ITGA9: variants seen among roughly 807,000 people sequenced by gnomAD.
The protein encoded by ITGA9 is integrin alpha-9.
In ITGA9, 56 loss-of-function variants were observed where a neutral mutation model predicts 127.8. That is an observed-to-expected ratio of 0.44 (90% CI 0.35 to 0.55). The LOEUF is 0.55. ITGA9 is among the 20% of genes least tolerant of loss of function. The pLI is 0.00. For missense variants in ITGA9, 1,196 were observed against 1,347.1 expected, an observed-to-expected ratio of 0.89 and a Z score of 1.76; for synonymous variants, 508 against 514.5, an observed-to-expected ratio of 0.99 and a Z score of 0.17.
chr3:37,560,766 C>G (rs1699479077), intron 15 of ITGA9, among the ~76,000 whole-genome samples: 1 of 152,060 alleles, frequency 6.6e-6, no homozygotes, highest in African/African-American at 2.4e-5. Flanking sequence ...AAACTAATTT[C>G]AATAACATAT....
At chr3:37,523,718 C>A (rs1214924520) in intron 12 of ITGA9, 107 bp downstream of exon 12, 3 of 809,942 alleles carry the variant, frequency 3.7e-6, no homozygotes, top group Non-Finnish European at 6.6e-6. Flanking sequence ...AGGATTAGGA[C>A]AATTCACACA....
At position 37,533,336 on chromosome 3, in the gene ITGA9, G is replaced by C. The variant is rs749485393; in HGVS notation, c.1396G>C (p.Asp466His). ...CAGAGCAAGGCCTGTCATTACGGTG[G>C]ATGTCTCCATCTTCCTCCCGGGCTC... ...LLRARPVITV[D>H]VSIFLPGSIN... Residue 466 changes from aspartate (D) to histidine (H), a missense_variant, in exon 14 of 28, where the codon GAT (aspartate) becomes CAT (histidine). Asp to His is a moderately conservative substitution (Grantham distance 81, BLOSUM62 -1). Transcript: ENST00000264741. 2 of 1,614,182 alleles carry C rather than the reference G, an allele frequency of 1.2e-6. No individual in the cohort carries two copies. The highest frequency in any genetic ancestry group is 2.2e-5 in the South Asian group (2 of 91,080).
chr3:37,637,010 GTACCAT>G (rs1700285547), intron 16 of ITGA9, among the ~76,000 whole-genome samples: 1 of 152,188 alleles, frequency 6.6e-6, no homozygotes, highest in Non-Finnish European at 1.5e-5. Flanking sequence ...TTTGGTACCA[GTACCAT>G]GCTGTTTTGG....
chr3:37,734,884 G>A (rs1315827411), intron 19 of ITGA9, among the ~76,000 whole-genome samples: 1 of 152,222 alleles, frequency 6.6e-6, no homozygotes, highest in Non-Finnish European at 1.5e-5. Flanking sequence ...CCCACATACA[G>A]ATGCTGGGAC....
intron 10 of ITGA9, 75 bp from the exon 11 acceptor site, chr3:37,519,185 A>G (rs34289588): frequency 0.046 from 50,201 of 1,102,946 alleles, 1,331 homozygotes; most frequent in Non-Finnish European, 0.054. Context: ...CTCAGACATG[A>G]CAACCAGAAT....
intron 4 of ITGA9, among the ~76,000 whole-genome samples, chr3:37,487,884 A>G (rs1334619483): frequency 6.6e-6 from 1 of 152,180 alleles, no homozygotes; most frequent in Non-Finnish European, 1.5e-5. Flanking sequence ...ACACTACACT[A>G]TAGACTTGTT....
intron 5 of ITGA9, among the ~76,000 whole-genome samples, chr3:37,495,797 G>A (rs1698721927): frequency 6.6e-6 from 1 of 152,224 alleles, no homozygotes; most frequent in African/African-American, 2.4e-5. Context: ...CATGGGCTAG[G>A]TTAGAACACT....
intron 4 of ITGA9, 127 bp from the exon 5 acceptor site, chr3:37,494,374 T>C (rs472893): frequency 0.59 from 423,389 of 722,540 alleles, 126,892 homozygotes; most frequent in East Asian, 0.82. Context: ...CCAGTCTGGA[T>C]GGCATCCCTG....
At chr3:37,624,891 G>A (rs1263018577) in intron 15 of ITGA9, among the ~76,000 whole-genome samples, 1 of 152,172 alleles carries the variant, frequency 6.6e-6, no homozygotes, top group African/African-American at 2.4e-5. Flanking sequence ...ACAGACGTGA[G>A]CCACCATGCC....
chr3:37,620,203 C>A (rs1700114614), intron 15 of ITGA9, among the ~76,000 whole-genome samples: 1 of 152,216 alleles, frequency 6.6e-6, no homozygotes, highest in African/African-American at 2.4e-5. Context: ...TTCTGCCTGT[C>A]ACAGGGCGTC....
chr3:37,811,616 C>T (rs1697369536), intron 27 of ITGA9, among the ~76,000 whole-genome samples: 1 of 152,142 alleles, frequency 6.6e-6, no homozygotes, highest in South Asian at 2.1e-4. Context: ...TGCAGTTTGC[C>T]AAAACATACA....
At chr3:37,770,465 G>C (rs961428684) in intron 23 of ITGA9, among the ~76,000 whole-genome samples, 3 of 152,086 alleles carry the variant, frequency 2.0e-5, no homozygotes, top group Non-Finnish European at 4.4e-5. Context: ...CCTCTCTCTT[G>C]CTCTGAGTCA....
At chr3:37,764,823 A>T (rs918230546) in intron 23 of ITGA9, among the ~76,000 whole-genome samples, 3 of 152,190 alleles carry the variant, frequency 2.0e-5, no homozygotes, top group African/African-American at 7.2e-5. Flanking sequence ...TGTTCCCTCC[A>T]ATCTTTGCAT....
chr3:37,672,949 G>C (rs966026900), intron 17 of ITGA9, among the ~76,000 whole-genome samples: 1 of 151,180 alleles, frequency 6.6e-6, no homozygotes, highest in Non-Finnish European at 1.5e-5. Context: ...TTCTTGGTTA[G>C]TAAAATAAAT....
chr3:37,465,572 A>G (rs1698361093), intron 1 of ITGA9, among the ~76,000 whole-genome samples: 1 of 152,222 alleles, frequency 6.6e-6, no homozygotes, highest in Non-Finnish European at 1.5e-5. Context: ...GAGCATAACC[A>G]GTGTTGGTGC....
intron 17 of ITGA9, among the ~76,000 whole-genome samples, chr3:37,662,756 C>T (rs1401035203): frequency 2.0e-5 from 3 of 152,160 alleles, no homozygotes; most frequent in East Asian, 1.9e-4. Context: ...TCCTGTTAGC[C>T]GTGACCTTAC....
intron 15 of ITGA9, among the ~76,000 whole-genome samples, chr3:37,626,099 C>G (rs1400923309): frequency 6.6e-6 from 1 of 152,204 alleles, no homozygotes; most frequent in Admixed American, 6.5e-5. Context: ...TTAGAAACAG[C>G]CCTTACTTCA....
chr3:37,532,806 A>G (rs148036741), intron 13 of ITGA9, among the ~76,000 whole-genome samples: 10 of 152,340 alleles, frequency 6.6e-5, no homozygotes, highest in East Asian at 1.9e-4. Context: ...AAATTACCCA[A>G]TGAATTGGTG....
In ITGA9 at chr3:37,729,271, A is replaced by G. The variant is rs899390864; in HGVS notation, c.2068-3441A>G. ...GTTGACATGGCCAGTATAAACAGCT[A>G]TGTTGGTGCTGACAGGCAGCAGAAG... On this transcript the variant is annotated intron_variant, in intron 18 of 27. Coordinates refer to ENST00000264741, the MANE Select transcript of ITGA9 (RefSeq NM_002207.3). Among the ~76,000 whole-genome samples the G allele has an allele frequency of 7.2e-5, 11 of 152,228 alleles. No homozygotes were observed. In the East Asian group the frequency reaches 9.7e-4, roughly 13 times the overall value.
Sources: allele counts gnomAD v4.1 joint callset (sites outside exome capture counted in the v4.1 genomes callset), GRCh38; gene constraint gnomAD v4.1.1; transcripts MANE v1.5; gene names NCBI Gene and HGNC (gene_info 2026-07-23, HGNC 2026-07-21).